EVI5: variants seen among roughly 807,000 people sequenced by gnomAD.
EVI5 encodes ecotropic viral integration site 5 protein homolog.
A neutral mutation model predicts 112.0 loss-of-function variants in EVI5; 73 were observed. That is an observed-to-expected ratio of 0.65 (90% CI 0.54 to 0.79). EVI5 has a LOEUF of 0.79. Among genes scored for constraint, EVI5 ranks in the 30% least tolerant of loss-of-function variants. EVI5 has a pLI of 0.00. For missense variants in EVI5, 900 were observed against 968.8 expected, an observed-to-expected ratio of 0.93 and a Z score of 0.94; for synonymous variants, 305 against 319.9, an observed-to-expected ratio of 0.95 and a Z score of 0.50.
intron 1 of EVI5, among the ~76,000 whole-genome samples, chr1:92,783,498 A>AAG (rs67308717): frequency 0.58 from 74,591 of 128,394 alleles, 23,043 homozygotes; most frequent in East Asian, 0.89. Context: ...AAAAAAAAAA[A>AAG]AAAAAAAAAG....
At chr1:92,578,007 G>A (rs1392061278) in intron 18 of EVI5, among the ~76,000 whole-genome samples, 1 of 152,172 alleles carries the variant, frequency 6.6e-6, no homozygotes, top group East Asian at 1.9e-4. Flanking sequence ...AAGGAAAGGC[G>A]CTATGGTGCT....
Position 92,735,433 on chromosome 1 carries a change from T to A in EVI5, c.149+965A>T, listed in dbSNP as rs1459889145. On this transcript the variant is annotated intron_variant, in intron 2 of 19. Transcript: ENST00000684568. The stretch of plus-strand genomic sequence containing the variant: ...GGCGACAATTTCACAGGTGTATACA[T>A]ATGTCAGAATGTATCAAATTGTACA... Among the ~76,000 whole-genome samples, 7 of 152,032 alleles carry A rather than the reference T, an allele frequency of 4.6e-5. No homozygotes were observed. In the East Asian group the frequency reaches 1.4e-3, roughly 29 times the overall value.
rs1409266613 is a variant in EVI5, at chr1:92,703,387, A to C, written c.564+8T>G. The C allele has an allele frequency of 4.8e-6, 7 of 1,468,970 alleles. No individual in the cohort carries two copies. The highest frequency in any genetic ancestry group is 6.5e-6 in the Non-Finnish European group (7 of 1,083,984). The allele number at this position is 1,468,970 out of a possible 1,614,324, so 91.0% of individuals were successfully genotyped here. The stretch of plus-strand genomic sequence containing the variant: ...TTTCATTTCAAAAAATGAATAAATA[A>C]AACTTACCTTCATTACATTAAATAA... On this transcript the variant is annotated splice_region_variant and intron_variant, in intron 4 of 19. Coordinates refer to ENST00000684568, the MANE Select transcript of EVI5 (RefSeq NM_001350197.2).
intron 1 of EVI5, among the ~76,000 whole-genome samples, chr1:92,775,245 T>C (rs1393933402): frequency 3.3e-5 from 5 of 152,022 alleles, no homozygotes; most frequent in Admixed American, 6.6e-5. Flanking sequence ...CTGGCCAACG[T>C]GGTGAAACTC....
intron 13 of EVI5, among the ~76,000 whole-genome samples, chr1:92,655,808 G>A (rs1277393244): frequency 6.6e-6 from 1 of 152,194 alleles, no homozygotes; most frequent in Non-Finnish European, 1.5e-5. Context: ...CCCGATATAG[G>A]AGGTACCCAG....
intron 18 of EVI5, among the ~76,000 whole-genome samples, chr1:92,580,286 T>C (rs954008061): frequency 6.6e-6 from 1 of 152,244 alleles, no homozygotes; most frequent in Non-Finnish European, 1.5e-5. Context: ...TTGTAATCTT[T>C]TGCAATTGTC....
In EVI5 at chr1:92,619,389, A is replaced by T. The variant is rs755341584; in HGVS notation, c.1827+4787T>A. Among the ~76,000 whole-genome samples, 19 of 152,090 alleles carry T rather than the reference A, an allele frequency of 1.2e-4. No homozygotes were observed. In the South Asian group the frequency reaches 1.5e-3, roughly 12 times the overall value. On this transcript the variant is annotated intron_variant, in intron 16 of 19. Coordinates refer to ENST00000684568, the MANE Select transcript of EVI5 (RefSeq NM_001350197.2). ...TGGCACTTCTTGCTCCTCAGCTTGT[A>T]GGCAGCCTATTGTGGGACCTTGTGA...
chr1:92,704,303 G>A (rs909481414), intron 3 of EVI5, among the ~76,000 whole-genome samples: 7 of 152,096 alleles, frequency 4.6e-5, no homozygotes, highest in Non-Finnish European at 1.5e-5. Context: ...AACAAAGTGA[G>A]TCTTTATAAA....
intron 10 of EVI5, among the ~76,000 whole-genome samples, chr1:92,667,981 C>T (rs1558032274): frequency 6.6e-6 from 1 of 152,068 alleles, no homozygotes; most frequent in Non-Finnish European, 1.5e-5. Context: ...TTCTTCCAGC[C>T]CCACCTTCCT....
chr1:92,717,373 G>C (rs1009404053), intron 2 of EVI5, among the ~76,000 whole-genome samples: 2 of 152,206 alleles, frequency 1.3e-5, no homozygotes, highest in Non-Finnish European at 2.9e-5. Flanking sequence ...AGCCAGAAGA[G>C]AGTAGGGGCC....
At chr1:92,774,255 T>C (rs1683826085) in intron 1 of EVI5, among the ~76,000 whole-genome samples, 1 of 152,226 alleles carries the variant, frequency 6.6e-6, no homozygotes, top group Non-Finnish European at 1.5e-5. Flanking sequence ...TATCCTGATT[T>C]CTGGTATGCC....
At chr1:92,714,813 A>T (rs1306694877) in intron 2 of EVI5, among the ~76,000 whole-genome samples, 1 of 151,634 alleles carries the variant, frequency 6.6e-6, no homozygotes, top group East Asian at 1.9e-4. Context: ...CTGGTCTTGA[A>T]CTCTTGGCCT....
At chr1:92,645,887 G>A (rs1171989378) in intron 13 of EVI5, among the ~76,000 whole-genome samples, 1 of 152,128 alleles carries the variant, frequency 6.6e-6, no homozygotes, top group East Asian at 1.9e-4. Context: ...AACCTGCTCT[G>A]CTTCACTTCA....
chr1:92,623,883 C>A (rs1219113678), intron 16 of EVI5, among the ~76,000 whole-genome samples: 2 of 152,184 alleles, frequency 1.3e-5, no homozygotes, highest in Non-Finnish European at 2.9e-5. Context: ...AGAAATTTTG[C>A]TCTGCATGGT....
chr1:92,719,203 G>A (rs1229447113), intron 2 of EVI5, among the ~76,000 whole-genome samples: 2 of 151,838 alleles, frequency 1.3e-5, no homozygotes, highest in East Asian at 3.8e-4. Context: ...TCTGAGGCCA[G>A]CATCATCCTG....
At chr1:92,586,678 G>A (rs1482780480) in intron 18 of EVI5, among the ~76,000 whole-genome samples, 1 of 141,988 alleles carries the variant, frequency 7.0e-6, no homozygotes, top group Non-Finnish European at 1.5e-5. Context: ...GGCATTATAA[G>A]GTGCTCCAGG....
chr1:92,703,239 T>C (rs1671475692), intron 4 of EVI5, among the ~76,000 whole-genome samples, 156 bp downstream of exon 4: 2 of 152,126 alleles, frequency 1.3e-5, no homozygotes, highest in Non-Finnish European at 2.9e-5. Context: ...GATAGTAATG[T>C]AGCATAAGAA....
chr1:92,563,232 G>A (rs1048425455), intron 19 of EVI5, among the ~76,000 whole-genome samples: 2 of 152,120 alleles, frequency 1.3e-5, no homozygotes, highest in African/African-American at 4.8e-5. Context: ...ATACCATCAT[G>A]AGCGGTAAAA....
intron 19 of EVI5, among the ~76,000 whole-genome samples, chr1:92,563,273 A>T (rs1668915035): frequency 1.3e-5 from 2 of 152,236 alleles, no homozygotes; most frequent in Non-Finnish European, 2.9e-5. Context: ...TTCCTTCTGC[A>T]TGCAACGGTA....
Sources: allele counts gnomAD v4.1 joint callset (sites outside exome capture counted in the v4.1 genomes callset), GRCh38; gene constraint gnomAD v4.1.1; transcripts MANE v1.5; gene names NCBI Gene and HGNC (gene_info 2026-07-23, HGNC 2026-07-21).